Variants in PDE4D observed in about 807,000 individuals in gnomAD.
The protein encoded by PDE4D is phosphodiesterase 4D.
Under a neutral mutation model 87.4 loss-of-function variants are expected in PDE4D, and 24 were observed. That is an observed-to-expected ratio of 0.27 (90% CI 0.20 to 0.39). The LOEUF (loss-of-function observed/expected upper bound fraction) is 0.39, where lower values mean the gene tolerates loss of function less well. Among genes scored for constraint, PDE4D ranks in the 10% least tolerant of loss-of-function variants. The pLI is 1.00. For missense variants in PDE4D, 714 were observed against 1,041.0 expected (o/e 0.69, Z 4.32); for synonymous variants, 384 against 383.2 (o/e 1.00, Z -0.02).
chr5:60,391,177 G>A (rs1762538056), intron 1 of PDE4D, among the ~76,000 whole-genome samples: 1 of 152,098 alleles, frequency 6.6e-6, no homozygotes, highest in South Asian at 2.1e-4. Flanking sequence ...CTTGTACCAA[G>A]TAGATGTGCA....
intron 5 of PDE4D, among the ~76,000 whole-genome samples, chr5:59,137,188 T>C (rs1306240195): frequency 1.3e-5 from 2 of 152,170 alleles, no homozygotes; most frequent in Non-Finnish European, 2.9e-5. Context: ...CCGACTTCCC[T>C]TGCACCTCTG....
At chr5:59,839,014 G>T (rs1387920883) in intron 1 of PDE4D, among the ~76,000 whole-genome samples, 1 of 151,898 alleles carries the variant, frequency 6.6e-6, no homozygotes, top group African/African-American at 2.4e-5. Flanking sequence ...AAGAGGAAAA[G>T]GATGAATCAA....
At chr5:60,328,960 C>A (rs993490554) in intron 1 of PDE4D, among the ~76,000 whole-genome samples, 32 of 152,168 alleles carry the variant, frequency 2.1e-4, no homozygotes. Context: ...TACACACAGA[C>A]CTTGTTAAAA....
rs573772018 is a variant in PDE4D, at chr5:59,759,061, T to TA, written c.455+134106dup. The stretch of plus-strand genomic sequence containing the variant: ...ATGATTTTTTAAAAAGCAAAACCAT[T>TA]AAAAAAAAGACATTATTTTGCTACA... On this transcript the variant is annotated intron_variant, in intron 1 of 14. Coordinates refer to ENST00000340635, the MANE Select transcript of PDE4D (RefSeq NM_001104631.2). Among the ~76,000 whole-genome samples, 305 of 151,670 alleles carry TA rather than the reference T, an allele frequency of 2.0e-3. 3 individuals carry two copies. Among genetic ancestry groups the TA allele is most frequent in the East Asian group, 9.5e-3 (49 of 5,154 alleles).
upstream of PDE4D, among the ~76,000 whole-genome samples, chr5:59,898,240 G>T (rs1434482373): frequency 6.6e-6 from 1 of 152,160 alleles, no homozygotes; most frequent in Non-Finnish European, 1.5e-5. Flanking sequence ...ACTTTCTAAT[G>T]ATACCATTCC....
At chr5:60,232,052 T>G (rs111599265) in intron 1 of PDE4D, among the ~76,000 whole-genome samples, 2,126 of 151,994 alleles carry the variant, frequency 0.014, 24 homozygotes, top group Middle Eastern at 0.034. Flanking sequence ...TTTTCACAGA[T>G]AAGATCTACA....
chr5:60,110,684 A>T (rs754195319), intron 2 of PDE4D, among the ~76,000 whole-genome samples: 2 of 152,164 alleles, frequency 1.3e-5, no homozygotes, highest in Non-Finnish European at 2.9e-5. Context: ...CCAATATATC[A>T]GAGGGATACC....
chr5:59,156,847 G>C (rs902664809), intron 5 of PDE4D, among the ~76,000 whole-genome samples: 3 of 152,106 alleles, frequency 2.0e-5, no homozygotes, highest in African/African-American at 7.2e-5. Flanking sequence ...ACTAGAGAAC[G>C]AATAGAGATT....
intron 2 of PDE4D, among the ~76,000 whole-genome samples, chr5:60,104,968 A>G (rs924402571): frequency 3.3e-5 from 5 of 152,236 alleles, no homozygotes; most frequent in South Asian, 4.1e-4. Context: ...TCCTCCTCCA[A>G]AGGAACGCAG....
At chr5:60,222,991 G>A (rs1230431655) in intron 1 of PDE4D, among the ~76,000 whole-genome samples, 3 of 152,102 alleles carry the variant, frequency 2.0e-5, no homozygotes, top group Non-Finnish European at 2.9e-5. Flanking sequence ...TATTTATAAT[G>A]AGATGTTAAA....
chr5:59,401,463 T>TCTAC (rs1174328618), intron 1 of PDE4D, among the ~76,000 whole-genome samples: 2 of 141,562 alleles, frequency 1.4e-5, no homozygotes, highest in East Asian at 2.1e-4. Flanking sequence ...TATCTATCTA[T>TCTAC]CTATCTATCT....
intron 1 of PDE4D, among the ~76,000 whole-genome samples, chr5:60,501,145 C>T (rs1468787175): frequency 2.0e-5 from 3 of 152,100 alleles, no homozygotes; most frequent in African/African-American, 7.2e-5. Flanking sequence ...TACTATCCCT[C>T]CCCGCTTCCC....
At chr5:59,271,621 G>T (rs1055160266) in intron 1 of PDE4D, among the ~76,000 whole-genome samples, 1 of 151,914 alleles carries the variant, frequency 6.6e-6, no homozygotes, top group African/African-American at 2.4e-5. Flanking sequence ...TAAGAGAAAA[G>T]AGCTAATAAA....
intron 1 of PDE4D, among the ~76,000 whole-genome samples, chr5:60,314,530 C>A (rs1755361196): frequency 6.6e-6 from 1 of 151,954 alleles, no homozygotes; most frequent in African/African-American, 2.4e-5. Context: ...TACATGTGCA[C>A]AACATGCAGG....
Position 59,472,413 on chromosome 5 carries a change from TTCA to T in PDE4D, c.456-256448_456-256446del, listed in dbSNP as rs3061711. On this transcript the variant is annotated intron_variant, in intron 1 of 14. Coordinates refer to ENST00000340635, the MANE Select transcript of PDE4D (RefSeq NM_001104631.2). ...ACCAACCTCCTAAACCCAGATGGTTTTCATCATCATAAATCATTTCCCCAAAGG... is the reference window on the plus strand; with the variant it reads ...ACCAACCTCCTAAACCCAGATGGTTTTCATCATAAATCATTTCCCCAAAGG... 6.6e-3 allele frequency among the ~76,000 whole-genome samples: 1,005 copies of T among 152,238 alleles called. 5 individuals carry two copies. The highest frequency in any genetic ancestry group is 0.011 in the Non-Finnish European group (733 of 68,008).
At chr5:60,079,341 T>G (rs1054260188) in intron 2 of PDE4D, among the ~76,000 whole-genome samples, 1 of 152,098 alleles carries the variant, frequency 6.6e-6, no homozygotes, top group African/African-American at 2.4e-5. Context: ...TTCACTCTGA[T>G]GACAGCTTCT....
chr5:60,461,415 T>G (rs1238237269), intron 1 of PDE4D, among the ~76,000 whole-genome samples: 1 of 152,232 alleles, frequency 6.6e-6, no homozygotes, highest in African/African-American at 2.4e-5. Flanking sequence ...AAGAGGAAAG[T>G]GCACCTAGCC....
At chr5:59,375,672 T>C (rs535835175) in intron 1 of PDE4D, among the ~76,000 whole-genome samples, 7 of 152,294 alleles carry the variant, frequency 4.6e-5, no homozygotes, top group Non-Finnish European at 8.8e-5. Flanking sequence ...GATGGACTCC[T>C]CCCTAACTCA....
intron 2 of PDE4D, among the ~76,000 whole-genome samples, chr5:59,989,327 T>A (rs1215318416): frequency 6.6e-6 from 1 of 151,816 alleles, no homozygotes; most frequent in Non-Finnish European, 1.5e-5. Flanking sequence ...ACAGTAAAAA[T>A]ACAGTATTAT....
Sources: gnomAD v4.1 joint callset for allele counts (sites outside exome capture counted in the v4.1 genomes callset) on GRCh38, gnomAD v4.1.1 for gene constraint, MANE v1.5 for transcripts, NCBI Gene and HGNC (gene_info 2026-07-23, HGNC 2026-07-21) for gene names.